Variants in GAB2 observed in about 807,000 individuals in gnomAD.
GAB2 encodes the protein GRB2 associated binding protein 2.
Under a neutral mutation model 65.5 loss-of-function variants are expected in GAB2, and 26 were observed. The ratio of observed to expected loss-of-function variants is 0.40; its 90% CI spans 0.29 to 0.55. The LOEUF is 0.55. Among genes scored for constraint, GAB2 ranks in the 20% least tolerant of loss-of-function variants. The probability of loss-of-function intolerance (pLI) is 0.53; values close to 1 mark genes in which losing one functional copy is unlikely to be tolerated. For synonymous variants in GAB2, 321 were observed against 329.6 expected, an observed-to-expected ratio of 0.97 and a Z score of 0.28; for missense variants, 884 against 875.8, an observed-to-expected ratio of 1.01 and a Z score of -0.12.
In GAB2 at chr11:78,269,691, G is replaced by A. The variant is rs1001772117; in HGVS notation, c.376+10910C>T. Among the ~76,000 whole-genome samples the A allele has an allele frequency of 3.9e-5, 6 of 152,096 alleles. No individual in the cohort carries two copies. In the East Asian group the frequency reaches 5.8e-4, roughly 15 times the overall value. On this transcript the variant is annotated intron_variant, in intron 2 of 9. Coordinates refer to ENST00000361507, the MANE Select transcript of GAB2 (RefSeq NM_080491.3). Reference sequence around the variant, plus strand: ...AAATAATTTGAGTGTTGACTTACTCGGGAAACTTAAGGATTACTAGAAGTT... The same window carrying A: ...AAATAATTTGAGTGTTGACTTACTCAGGAAACTTAAGGATTACTAGAAGTT...
chr11:78,255,927 G>A (rs1865584778), intron 2 of GAB2, among the ~76,000 whole-genome samples: 1 of 152,200 alleles, frequency 6.6e-6, no homozygotes, highest in African/African-American at 2.4e-5. Flanking sequence ...GGAGAGACTT[G>A]GCTCTGTCCC....
In GAB2 at chr11:78,300,516, T is replaced by TAAAAAA. The variant is rs138790128; in HGVS notation, c.76-19621_76-19616dup. On this transcript the variant is annotated intron_variant, in intron 1 of 9. Coordinates refer to ENST00000361507, the MANE Select transcript of GAB2 (RefSeq NM_080491.3). ...CATAGTAAGTCTACGTTTAATTTTA[T>TAAAAAA]AAAAAAACAAAAAAACAAAAAACTA... Among the ~76,000 whole-genome samples the TAAAAAA allele has an allele frequency of 1.1e-3, 153 of 142,874 alleles. 1 individual carries two copies. Among genetic ancestry groups the TAAAAAA allele is most frequent in the South Asian group, 9.6e-3 (42 of 4,370 alleles). 93.7% of individuals were successfully genotyped at this position (142,874 alleles called of 152,430 possible). A position where few individuals can be genotyped will look rare whatever the true frequency, so the allele number is the denominator to read the frequency against.
At chr11:78,406,177 A>G (rs991634200) in intron 1 of GAB2, among the ~76,000 whole-genome samples, 1 of 152,216 alleles carries the variant, frequency 6.6e-6, no homozygotes, top group Non-Finnish European at 1.5e-5. Context: ...ACCTTAAACC[A>G]TTCACAGGAG....
At chr11:78,412,739 T>A (rs529347805) in intron 1 of GAB2, among the ~76,000 whole-genome samples, 32 of 152,320 alleles carry the variant, frequency 2.1e-4, no homozygotes, top group African/African-American at 6.7e-4. Flanking sequence ...TTAATTTTTT[T>A]AAAAAGCCCA....
chr11:78,330,407 G>GT (rs959405571), intron 1 of GAB2, among the ~76,000 whole-genome samples: 1 of 152,214 alleles, frequency 6.6e-6, no homozygotes, highest in African/African-American at 2.4e-5. Flanking sequence ...GCGTTTTGGA[G>GT]TTTTTCACAA....
chr11:78,385,402 A>G (rs528325691), intron 1 of GAB2, among the ~76,000 whole-genome samples: 2 of 152,338 alleles, frequency 1.3e-5, no homozygotes, highest in African/African-American at 2.4e-5. Flanking sequence ...CAACAATGTG[A>G]CAGGAGGTTT....
At chr11:78,243,777 G>A (rs1009016593) in intron 3 of GAB2, among the ~76,000 whole-genome samples, 23 of 152,328 alleles carry the variant, frequency 1.5e-4, no homozygotes, top group African/African-American at 4.8e-4. Flanking sequence ...CCGGGAGGCG[G>A]AGGTTGTAGT....
At chr11:78,353,432 C>A (rs1856311024) in intron 1 of GAB2, among the ~76,000 whole-genome samples, 1 of 152,190 alleles carries the variant, frequency 6.6e-6, no homozygotes, top group Non-Finnish European at 1.5e-5. Context: ...AAGAGTGAGA[C>A]TTTGTCTCAA....
At position 78,216,139 on chromosome 11, in the gene GAB2, A is replaced by G. The variant is rs1438101233; in HGVS notation, c.*3133T>C. On this transcript the variant is annotated 3_prime_UTR_variant, in exon 10 of 10. Coordinates refer to ENST00000361507, the MANE Select transcript of GAB2 (RefSeq NM_080491.3). The stretch of plus-strand genomic sequence containing the variant: ...CTGTGGATGGGACCTCAGCGCAGCT[A>G]ATCCAACCTCCCATTCCACAGACAG... The G allele has an allele frequency of 1.3e-5, 2 of 152,674 alleles. No homozygotes were observed. Among genetic ancestry groups the G allele is most frequent in the South Asian group, 2.1e-4 (1 of 4,832 alleles). 9.5% of individuals were successfully genotyped at this position (152,674 alleles called of 1,614,324 possible).
intron 1 of GAB2, among the ~76,000 whole-genome samples, chr11:78,333,043 G>A (rs979891068): frequency 8.5e-5 from 13 of 152,296 alleles, no homozygotes; most frequent in Middle Eastern, 3.4e-3. Context: ...AATGACAGAA[G>A]GAGGAGGATA....
chr11:78,345,032 A>AGGAG (rs1007815224), intron 1 of GAB2, among the ~76,000 whole-genome samples: 2 of 152,110 alleles, frequency 1.3e-5, no homozygotes, highest in African/African-American at 4.8e-5. Context: ...ATCCTGGCAC[A>AGGAG]GGAGGGAGGG....
rs550590213 is a variant in GAB2, at chr11:78,340,880, A to C, written c.76-59979T>G. 7.3e-4 allele frequency among the ~76,000 whole-genome samples: 111 copies of C among 152,294 alleles called. No homozygotes were observed. The South Asian group carries it at 7.5e-3, about 10-fold the overall frequency. On this transcript the variant is annotated intron_variant, in intron 1 of 9. Transcript: ENST00000361507. ...GTCTCAAACCCAGATCTGGCTCAAA[A>C]TCATCTCTTTCCTCATCACAATGGT...
rs10577079 is a variant in GAB2 at position 78,292,029 on chromosome 11, T to TGTGTGA, written c.76-11129_76-11128insTCACAC. Among the ~76,000 whole-genome samples the TGTGTGA allele has an allele frequency of 9.8e-4, 104 of 106,002 alleles. No individual in the cohort carries two copies. The East Asian group carries it at 0.013, about 13-fold the overall frequency. The allele number at this position is 106,002 out of a possible 152,430, so 69.5% of individuals were successfully genotyped here. A position where few individuals can be genotyped will look rare whatever the true frequency, so the allele number is the denominator to read the frequency against. On this transcript the variant is annotated intron_variant, in intron 1 of 9. Coordinates refer to ENST00000361507, the MANE Select transcript of GAB2 (RefSeq NM_080491.3). ...GTGTGTGTGTGTGTGTGTGTGTGTG[T>TGTGTGA]GAGAGAGAGAGAGTCAGTCTTTGTT...
chr11:78,374,816 C>CA (rs1856612840), intron 1 of GAB2, among the ~76,000 whole-genome samples: 1 of 152,052 alleles, frequency 6.6e-6, no homozygotes. Context: ...TAAGAAAGAA[C>CA]ATTTTATGGG....
chr11:78,292,030 G>A (rs1339434941), intron 1 of GAB2, among the ~76,000 whole-genome samples: 1 of 92,782 alleles, frequency 1.1e-5, no homozygotes, highest in Non-Finnish European at 2.1e-5. Flanking sequence ...GTGTGTGTGT[G>A]AGAGAGAGAG....
intron 1 of GAB2, among the ~76,000 whole-genome samples, chr11:78,323,392 C>T (rs980945121): frequency 2.6e-5 from 4 of 151,988 alleles, no homozygotes; most frequent in Non-Finnish European, 5.9e-5. Context: ...TGCCTGTAAT[C>T]CCAGCTACTT....
At chr11:78,358,639 T>C (rs1490324894) in intron 1 of GAB2, among the ~76,000 whole-genome samples, 1 of 152,022 alleles carries the variant, frequency 6.6e-6, no homozygotes, top group Admixed American at 6.6e-5. Context: ...CAGCAGCCTC[T>C]AATCCATTCT....
intron 1 of GAB2, among the ~76,000 whole-genome samples, chr11:78,379,813 G>T (rs2134737313): frequency 6.6e-6 from 1 of 151,226 alleles, no homozygotes; most frequent in Non-Finnish European, 1.5e-5. Context: ...TTCAGTAGTT[G>T]TGAGACTTTT....
intron 2 of GAB2, among the ~76,000 whole-genome samples, chr11:78,276,810 T>TTTTA (rs145409881): frequency 7.2e-5 from 11 of 151,730 alleles, no homozygotes; most frequent in South Asian, 2.1e-4. Flanking sequence ...TTTTTATTTA[T>TTTTA]TTTATTTATT....
Sources: allele counts gnomAD v4.1 joint callset (sites outside exome capture counted in the v4.1 genomes callset), GRCh38; gene constraint gnomAD v4.1.1; transcripts MANE v1.5; gene names NCBI Gene and HGNC (gene_info 2026-07-23, HGNC 2026-07-21).